The following IGFL4 variants were observed in gnomAD, a reference collection of about 807,000 sequenced individuals.
IGFL4 encodes insulin growth factor-like family member 4.
Under a neutral mutation model 15.4 loss-of-function variants are expected in IGFL4, and 12 were observed. The observed-to-expected ratio is 0.78, with a 90% CI of 0.50 to 1.26. IGFL4 has a LOEUF of 1.26. IGFL4 is among the 50% of genes most tolerant of loss of function. The pLI is 0.00. For missense variants in IGFL4, 126 were observed against 147.8 expected (o/e 0.85, Z 0.76); for synonymous variants, 54 against 55.9 (o/e 0.97, Z 0.16).
intron 1 of IGFL4, among the ~76,000 whole-genome samples, chr19:46,065,253 C>T (rs1422708889): frequency 6.7e-6 from 1 of 150,276 alleles, no homozygotes; most frequent in Non-Finnish European, 1.5e-5. Context: ...AAATATTTTT[C>T]TTATTCTGTG....
At chr19:46,051,418 C>T (rs1377019326) in intron 2 of IGFL4, among the ~76,000 whole-genome samples, 1 of 152,046 alleles carries the variant, frequency 6.6e-6, no homozygotes, top group East Asian at 1.9e-4. Flanking sequence ...GTGGCAGGTA[C>T]CTGTAAATCC....
upstream of IGFL4, among the ~76,000 whole-genome samples, chr19:46,044,197 C>T (rs1383373568): frequency 6.6e-6 from 1 of 152,076 alleles, no homozygotes; most frequent in African/African-American, 2.4e-5. Context: ...CAAGAGATCC[C>T]CACATAAGCC....
At chr19:46,067,059 C>T (rs1182240079) in intron 1 of IGFL4, among the ~76,000 whole-genome samples, 3 of 152,120 alleles carry the variant, frequency 2.0e-5, no homozygotes, top group Non-Finnish European at 4.4e-5. Context: ...AATAAAAGAA[C>T]CTCCCAGAGG....
At chr19:46,039,988 CA>C in intron 3 of IGFL4, 52 bp from the exon 4 acceptor site, 1 of 1,550,658 alleles carries the variant, frequency 6.4e-7, no homozygotes, top group Non-Finnish European at 8.9e-7. Flanking sequence ...GTGGTAGCAG[CA>C]GTGGCGGGGA....
chr19:46,057,565 C>T (rs1969404453), intron 2 of IGFL4: 1 of 152,084 alleles, frequency 6.6e-6, no homozygotes, highest in Non-Finnish European at 1.5e-5. Context: ...GCAGAGCAGC[C>T]CTAAGGGCTG....
At chr19:46,039,993 G>C in intron 3 of IGFL4, 57 bp from the exon 4 acceptor site, 1 of 1,521,242 alleles carries the variant, frequency 6.6e-7, no homozygotes, top group Non-Finnish European at 9.1e-7. Flanking sequence ...AGCAGCAGTG[G>C]CGGGGAAGGA....
intron 1 of IGFL4, among the ~76,000 whole-genome samples, chr19:46,074,918 C>T (rs1257569175): frequency 6.6e-6 from 1 of 152,200 alleles, no homozygotes; most frequent in East Asian, 1.9e-4. Context: ...AATCATGTCC[C>T]TGACATGGAA....
At chr19:46,050,274 G>A (rs73042243) in intron 2 of IGFL4, among the ~76,000 whole-genome samples, 14,101 of 152,034 alleles carry the variant, frequency 0.093, 836 homozygotes, top group African/African-American at 0.16. Context: ...TAACACCCCC[G>A]AAAGATCACA....
chr19:46,066,114 C>T (rs1419433445), intron 1 of IGFL4, among the ~76,000 whole-genome samples: 1 of 152,150 alleles, frequency 6.6e-6, no homozygotes, highest in Non-Finnish European at 1.5e-5. Flanking sequence ...TGTAAAGCCA[C>T]AGGGAGCCAG....
At chr19:46,055,326 C>T (rs1969382681) in intron 2 of IGFL4, among the ~76,000 whole-genome samples, 1 of 151,768 alleles carries the variant, frequency 6.6e-6, no homozygotes, top group African/African-American at 2.4e-5. Context: ...TTCAGGAGTT[C>T]AACAGTTTCT....
chr19:46,045,897 T>C (rs1054318103), upstream of IGFL4, among the ~76,000 whole-genome samples: 1 of 152,072 alleles, frequency 6.6e-6, no homozygotes, highest in African/African-American at 2.4e-5. Flanking sequence ...AACATTCAAA[T>C]TCAGTAAATA....
chr19:46,055,792 T>G (rs1969387534), intron 2 of IGFL4, among the ~76,000 whole-genome samples: 1 of 152,162 alleles, frequency 6.6e-6, no homozygotes, highest in Non-Finnish European at 1.5e-5. Flanking sequence ...TTTTTTTTTT[T>G]GACGAAGTCT....
chr19:46,043,523 TCA>T (rs1375673302), upstream of IGFL4, among the ~76,000 whole-genome samples: 2 of 152,176 alleles, frequency 1.3e-5, no homozygotes, highest in African/African-American at 2.4e-5. Context: ...GTTGGAGGAC[TCA>T]CACTACCCAA....
At chr19:46,074,286 C>CATATATATATATACAT (rs1969574264) in intron 1 of IGFL4, among the ~76,000 whole-genome samples, 2 of 149,894 alleles carry the variant, frequency 1.3e-5, no homozygotes, top group Admixed American at 6.7e-5. Flanking sequence ...TATATATATA[C>CATATATATATATACAT]ATATATATAT....
intron 1 of IGFL4, chr19:46,062,973 T>C (rs1442451302): frequency 6.6e-6 from 1 of 152,108 alleles, no homozygotes; most frequent in Non-Finnish European, 1.5e-5. Flanking sequence ...GCACTTAACA[T>C]CCTGTAGTGC....
chr19:46,049,821 C>G (rs1226226456), intron 2 of IGFL4, among the ~76,000 whole-genome samples: 1 of 152,188 alleles, frequency 6.6e-6, no homozygotes, highest in Non-Finnish European at 1.5e-5. Context: ...AGCTGACGCG[C>G]TCTTAAAAGC....
intron 2 of IGFL4, among the ~76,000 whole-genome samples, chr19:46,055,904 G>A (rs1969388679): frequency 6.6e-6 from 1 of 152,186 alleles, no homozygotes; most frequent in Non-Finnish European, 1.5e-5. Context: ...AGCCTCCCGA[G>A]TAGCTAGGAT....
chr19:46,057,395 G>T (rs1297325273), intron 2 of IGFL4, among the ~76,000 whole-genome samples: 1 of 152,036 alleles, frequency 6.6e-6, no homozygotes, highest in African/African-American at 2.4e-5. Flanking sequence ...CTGTGAAGGG[G>T]AATTTGAAAC....
At chr19:46,069,389 G>A (rs938720698) in intron 1 of IGFL4, among the ~76,000 whole-genome samples, 16 of 152,136 alleles carry the variant, frequency 1.1e-4, no homozygotes, top group African/African-American at 3.6e-4. Context: ...GTATTCTAAT[G>A]AAAATGTTCA....
Sources: gnomAD v4.1 joint callset for allele counts (sites outside exome capture counted in the v4.1 genomes callset) on GRCh38, gnomAD v4.1.1 for gene constraint, MANE v1.5 for transcripts, NCBI Gene and HGNC (gene_info 2026-07-23, HGNC 2026-07-21) for gene names.